OSBPL1A: variants seen among roughly 807,000 people sequenced by gnomAD.
OSBPL1A encodes the protein oxysterol-binding protein-related protein 1.
OSBPL1A carries 80 observed loss-of-function variants against 137.1 expected under a neutral mutation model. The ratio of observed to expected loss-of-function variants is 0.58; its 90% confidence interval spans 0.49 to 0.70. The LOEUF (loss-of-function observed/expected upper bound fraction) is 0.70. Among genes scored for constraint, OSBPL1A ranks in the 30% least tolerant of loss-of-function variants. The pLI, the probability that OSBPL1A is intolerant of heterozygous loss-of-function variation, is 0.00. For missense variants in OSBPL1A, 970 were observed against 1,129.4 expected, an observed-to-expected ratio of 0.86 and a Z score of 2.02; for synonymous variants, 365 against 389.7, an observed-to-expected ratio of 0.94 and a Z score of 0.75.
At chr18:24,338,167 G>A (rs1187824842) in intron 5 of OSBPL1A, among the ~76,000 whole-genome samples, 2 of 151,654 alleles carry the variant, frequency 1.3e-5, no homozygotes, top group South Asian at 2.1e-4. Context: ...CTGCCTCTCG[G>A]GTTCAAGTGA....
intron 14 of OSBPL1A, among the ~76,000 whole-genome samples, chr18:24,296,425 G>A (rs1455865803): frequency 6.6e-6 from 1 of 151,994 alleles, no homozygotes; most frequent in Non-Finnish European, 1.5e-5. Context: ...GGATTTTCTA[G>A]GTGCGTGATC....
intron 2 of OSBPL1A, among the ~76,000 whole-genome samples, chr18:24,373,066 A>G (rs562965054): frequency 2.4e-4 from 36 of 152,256 alleles, no homozygotes; most frequent in African/African-American, 6.5e-4. Context: ...ACTATGTCTC[A>G]AAAAAAGAAA....
chr18:24,214,089 G>A (rs1053264936), intron 17 of OSBPL1A, among the ~76,000 whole-genome samples: 1 of 152,182 alleles, frequency 6.6e-6, no homozygotes, highest in Admixed American at 6.5e-5. Flanking sequence ...GATGAAACAG[G>A]AAGGCAGACC....
chr18:24,376,056 G>A (rs922398205), intron 2 of OSBPL1A, among the ~76,000 whole-genome samples: 3 of 152,208 alleles, frequency 2.0e-5, no homozygotes, highest in African/African-American at 7.2e-5. Context: ...CAAAGAGTGA[G>A]CAGTAGCAAG....
chr18:24,265,250 T>C (rs2089542717), intron 15 of OSBPL1A, among the ~76,000 whole-genome samples: 1 of 152,140 alleles, frequency 6.6e-6, no homozygotes, highest in Admixed American at 6.5e-5. Context: ...GAGGCCGAGG[T>C]GGGTGGATCA....
At chr18:24,384,823 G>A (rs1906836291) in intron 1 of OSBPL1A, among the ~76,000 whole-genome samples, 1 of 150,080 alleles carries the variant, frequency 6.7e-6, no homozygotes, top group Admixed American at 6.6e-5. Context: ...GCAGTGAGCC[G>A]AGAACGCGCC....
chr18:24,171,616 G>C, intron 22 of OSBPL1A, 118 bp from the exon 23 acceptor site: 1 of 752,290 alleles, frequency 1.3e-6, no homozygotes, highest in Middle Eastern at 3.4e-4. Flanking sequence ...CTGTGTGCCA[G>C]GCTCCATACT....
rs752415432 is a variant in OSBPL1A at position 24,167,460 on chromosome 18, C to G, written c.2419-15G>C. 1 of 1,604,264 alleles carries G rather than the reference C, an allele frequency of 6.2e-7. No homozygotes were observed. Among genetic ancestry groups the G allele is most frequent in the Non-Finnish European group, 8.5e-7 (1 of 1,171,086 alleles). On this transcript the variant is annotated splice_polypyrimidine_tract_variant and intron_variant, in intron 24 of 27. Transcript: ENST00000319481. Reference sequence around the variant, plus strand: ...GAGGTGCTCATCTAGAAAAACCAATCAATGAACAAAATTTAAGTAGAAAGT... The same window carrying G: ...GAGGTGCTCATCTAGAAAAACCAATGAATGAACAAAATTTAAGTAGAAAGT...
chr18:24,207,362 G>A (rs1021513193), intron 17 of OSBPL1A, among the ~76,000 whole-genome samples: 3 of 152,242 alleles, frequency 2.0e-5, no homozygotes, highest in Non-Finnish European at 4.4e-5. Flanking sequence ...GGGATTACAG[G>A]CGTAAGCCAC....
At chr18:24,291,315 A>G (rs2090170287) in intron 14 of OSBPL1A, among the ~76,000 whole-genome samples, 1 of 152,194 alleles carries the variant, frequency 6.6e-6, no homozygotes. Flanking sequence ...GAAAAATAAC[A>G]AATTTTTAAA....
chr18:24,331,367 G>T (rs1392024974), intron 7 of OSBPL1A, among the ~76,000 whole-genome samples: 1 of 151,162 alleles, frequency 6.6e-6, no homozygotes, highest in African/African-American at 2.4e-5. Flanking sequence ...CCTAAAAAGT[G>T]ATGTGAAAAG....
chr18:24,196,536 G>C (rs758335638), intron 17 of OSBPL1A, among the ~76,000 whole-genome samples: 15 of 152,174 alleles, frequency 9.9e-5, no homozygotes, highest in Middle Eastern at 3.4e-3. Flanking sequence ...CCTGTTGTTG[G>C]ATTTATGGCA....
intron 4 of OSBPL1A, among the ~76,000 whole-genome samples, chr18:24,351,347 C>CA (rs1172514692): frequency 0.022 from 759 of 35,232 alleles, 26 homozygotes; most frequent in Middle Eastern, 0.087. Flanking sequence ...GACTCTGTCT[C>CA]AAAAAAAAAA....
chr18:24,237,621 T>A (rs1224908997), intron 16 of OSBPL1A, among the ~76,000 whole-genome samples: 1 of 152,184 alleles, frequency 6.6e-6, no homozygotes, highest in African/African-American at 2.4e-5. Context: ...GTTTTATTTT[T>A]AAAAAAGAAT....
chr18:24,383,556 C>A (rs1906756026), intron 1 of OSBPL1A, among the ~76,000 whole-genome samples: 1 of 152,140 alleles, frequency 6.6e-6, no homozygotes, highest in Non-Finnish European at 1.5e-5. Flanking sequence ...AAAAGATCAA[C>A]TTGATCCTGC....
intron 15 of OSBPL1A, among the ~76,000 whole-genome samples, chr18:24,242,427 G>A (rs1357421020): frequency 6.6e-6 from 1 of 151,566 alleles, no homozygotes; most frequent in South Asian, 2.1e-4. Flanking sequence ...TTGAGGTTTT[G>A]GGAACTGTGG....
intron 18 of OSBPL1A, among the ~76,000 whole-genome samples, chr18:24,190,346 G>GAA (rs140195338): frequency 8.1e-5 from 4 of 49,174 alleles, no homozygotes; most frequent in South Asian, 1.1e-3. Context: ...CTCTGCTACT[G>GAA]AAAAAAAAAA....
intron 16 of OSBPL1A, among the ~76,000 whole-genome samples, chr18:24,231,644 G>A (rs1410273621): frequency 6.6e-6 from 1 of 152,218 alleles, no homozygotes; most frequent in Admixed American, 6.5e-5. Context: ...AACACATTCA[G>A]ATTGAACACA....
intron 14 of OSBPL1A, among the ~76,000 whole-genome samples, chr18:24,300,341 T>C (rs1243192980): frequency 6.6e-6 from 1 of 152,244 alleles, no homozygotes; most frequent in Non-Finnish European, 1.5e-5. Flanking sequence ...GGCCAGACTA[T>C]GAAAATCTTT....
Sources: gnomAD v4.1 joint callset for allele counts (sites outside exome capture counted in the v4.1 genomes callset) on GRCh38, gnomAD v4.1.1 for gene constraint, MANE v1.5 for transcripts, NCBI Gene and HGNC (gene_info 2026-07-23, HGNC 2026-07-21) for gene names.